PTPRM: variants seen among roughly 807,000 people sequenced by gnomAD.
PTPRM encodes the protein protein tyrosine phosphatase receptor type M.
A neutral mutation model predicts 186.7 loss-of-function variants in PTPRM; 47 were observed. That is an observed-to-expected ratio of 0.25 (90% CI 0.20 to 0.32). PTPRM has a LOEUF of 0.32. Among genes scored for constraint, PTPRM ranks in the 10% least tolerant of loss-of-function variants. PTPRM has a pLI of 1.00. For synonymous variants in PTPRM, 668 were observed against 674.9 expected, an observed-to-expected ratio of 0.99 and a Z score of 0.16; for missense variants, 1,494 against 1,865.0, an observed-to-expected ratio of 0.80 and a Z score of 3.66.
chr18:8,019,796 A>C (rs562143673), intron 7 of PTPRM, among the ~76,000 whole-genome samples: 1 of 139,594 alleles, frequency 7.2e-6, no homozygotes, highest in African/African-American at 2.8e-5. Flanking sequence ...CTAATAATTT[A>C]TAATATAATA....
At chr18:8,344,474 A>ATATATATATCTC (rs1318982857) in intron 23 of PTPRM, among the ~76,000 whole-genome samples, 32 of 147,328 alleles carry the variant, frequency 2.2e-4, no homozygotes, top group African/African-American at 8.3e-4. Flanking sequence ...ATATATATAT[A>ATATATATATCTC]TCTAGCAAAA....
intron 1 of PTPRM, among the ~76,000 whole-genome samples, chr18:7,621,856 T>C (rs970927553): frequency 6.6e-6 from 1 of 152,232 alleles, no homozygotes; most frequent in African/African-American, 2.4e-5. Flanking sequence ...CCACAGTTTA[T>C]CCATTCACCT....
At chr18:8,259,318 G>A (rs2094604382) in intron 19 of PTPRM, among the ~76,000 whole-genome samples, 1 of 152,166 alleles carries the variant, frequency 6.6e-6, no homozygotes, top group Non-Finnish European at 1.5e-5. Flanking sequence ...ATAGTTGAAT[G>A]TGAAGATTGT....
intron 14 of PTPRM, among the ~76,000 whole-genome samples, chr18:8,181,260 T>C (rs1168485612): frequency 6.6e-6 from 1 of 152,204 alleles, no homozygotes; most frequent in Non-Finnish European, 1.5e-5. Flanking sequence ...GATTCCATCT[T>C]TCTCCAAGTG....
intron 13 of PTPRM, among the ~76,000 whole-genome samples, chr18:8,119,409 T>C (rs564603900): frequency 8.5e-5 from 13 of 152,328 alleles, no homozygotes; most frequent in Admixed American, 3.9e-4. Flanking sequence ...TGTTGAGATG[T>C]AAAGCTAATT....
intron 23 of PTPRM, among the ~76,000 whole-genome samples, chr18:8,347,317 A>G (rs1002325345): frequency 6.6e-6 from 1 of 152,228 alleles, no homozygotes; most frequent in African/African-American, 2.4e-5. Context: ...TGGAATTCCA[A>G]AGGACACCAC....
intron 11 of PTPRM, among the ~76,000 whole-genome samples, chr18:8,097,956 T>G (rs1482801419): frequency 1.3e-5 from 2 of 152,224 alleles, no homozygotes; most frequent in Non-Finnish European, 2.9e-5. Flanking sequence ...TATAATACTG[T>G]CTTTTCATTG....
chr18:8,118,929 C>T (rs2145783934), intron 13 of PTPRM, among the ~76,000 whole-genome samples: 1 of 150,326 alleles, frequency 6.7e-6, no homozygotes, highest in Admixed American at 6.6e-5. Context: ...CCAGGGTGGC[C>T]CAGGGAAGTC....
chr18:7,706,020 A>G (rs1057324182), intron 1 of PTPRM, among the ~76,000 whole-genome samples: 23 of 148,362 alleles, frequency 1.6e-4, no homozygotes, highest in Non-Finnish European at 2.8e-4. Context: ...TATATACTAT[A>G]ATAGAAAACA....
chr18:8,253,185 C>G (rs761775275), intron 18 of PTPRM, 42 bp from the exon 19 acceptor site: 18 of 1,347,922 alleles, frequency 1.3e-5, no homozygotes, highest in Non-Finnish European at 1.7e-5. Flanking sequence ...CGACCTAGCT[C>G]CCTGGCTCTC....
chr18:8,315,048 C>A (rs1263911921), intron 21 of PTPRM, among the ~76,000 whole-genome samples, 191 bp downstream of exon 21: 1 of 152,278 alleles, frequency 6.6e-6, no homozygotes, highest in East Asian at 1.9e-4. Context: ...TGGGCTCAAT[C>A]TAAAAGCAAA....
chr18:7,803,810 C>G (rs777678213), intron 2 of PTPRM, among the ~76,000 whole-genome samples: 1 of 152,030 alleles, frequency 6.6e-6, no homozygotes, highest in African/African-American at 2.4e-5. Flanking sequence ...AGGCTCTTCA[C>G]GGACAACACA....
intron 4 of PTPRM, among the ~76,000 whole-genome samples, chr18:7,922,475 G>T (rs1306074850): frequency 6.6e-6 from 1 of 152,144 alleles, no homozygotes; most frequent in Admixed American, 6.5e-5. Context: ...TACCCACTTT[G>T]ACCTCATTTT....
At position 8,184,936 on chromosome 18, in the gene PTPRM, G is replaced by A. The variant is rs148632739; in HGVS notation, c.2300+41157G>A. ...AAGACACCTGAAAGGGTCTTGCCAC[G>A]GGCCTTGAATTCTAATGCAGACTTT... is the stretch of plus-strand genomic sequence containing the variant. On this transcript the variant is annotated intron_variant, in intron 14 of 32. Transcript: ENST00000580170. 8.0e-3 allele frequency among the ~76,000 whole-genome samples: 1,219 copies of A among 152,166 alleles called. 11 individuals carry two copies. Among genetic ancestry groups the A allele is most frequent in the African/African-American group, 0.028 (1,159 of 41,506 alleles).
intron 20 of PTPRM, among the ~76,000 whole-genome samples, chr18:8,302,759 A>G (rs1186989613): frequency 6.6e-6 from 1 of 151,912 alleles, no homozygotes; most frequent in Non-Finnish European, 1.5e-5. Flanking sequence ...TAGATGGATG[A>G]TGGGCAGTTG....
intron 2 of PTPRM, among the ~76,000 whole-genome samples, chr18:7,870,555 T>C (rs987044816): frequency 8.5e-5 from 13 of 152,222 alleles, no homozygotes; most frequent in Non-Finnish European, 8.8e-5. Flanking sequence ...ATGTACTCTC[T>C]AGTACTTAAT....
At chr18:8,371,089 T>C (rs537872698) in intron 24 of PTPRM, 83 bp downstream of exon 24, 1 of 740,980 alleles carries the variant, frequency 1.3e-6, no homozygotes, top group African/African-American at 1.8e-5. Flanking sequence ...TAGGATACTT[T>C]ACACATGCTC....
At chr18:8,075,318 C>T (rs2089739933) in intron 8 of PTPRM, among the ~76,000 whole-genome samples, 1 of 152,038 alleles carries the variant, frequency 6.6e-6, no homozygotes. Flanking sequence ...CCTATGCCAA[C>T]ACCACACTGT....
At chr18:7,710,171 A>G (rs1215036564) in intron 1 of PTPRM, among the ~76,000 whole-genome samples, 2 of 152,238 alleles carry the variant, frequency 1.3e-5, no homozygotes, top group Non-Finnish European at 2.9e-5. Flanking sequence ...ATCCAAATCC[A>G]ACAGCGTATC....
Sources: allele counts gnomAD v4.1 joint callset (sites outside exome capture counted in the v4.1 genomes callset), GRCh38; gene constraint gnomAD v4.1.1; transcripts MANE v1.5; gene names NCBI Gene and HGNC (gene_info 2026-07-23, HGNC 2026-07-21).